The following WDR43 variants were observed in gnomAD, a reference collection of about 807,000 sequenced individuals.
WDR43 encodes the protein WD repeat domain 43.
Under a neutral mutation model 91.4 loss-of-function variants are expected in WDR43, and 13 were observed. The ratio of observed to expected loss-of-function variants is 0.14; its 90% CI spans 0.09 to 0.23. The LOEUF is 0.23. Among genes scored for constraint, WDR43 ranks in the 10% least tolerant of loss-of-function variants. The pLI, the probability that WDR43 is intolerant of heterozygous loss-of-function variation, is 1.00. For missense variants in WDR43, 780 were observed against 809.4 expected, an observed-to-expected ratio of 0.96 and a Z score of 0.44; for synonymous variants, 331 against 287.9, an observed-to-expected ratio of 1.15 and a Z score of -1.51.
At chr2:28,897,474 C>T (rs1052468177) in intron 1 of WDR43, among the ~76,000 whole-genome samples, 1 of 152,144 alleles carries the variant, frequency 6.6e-6, no homozygotes. Flanking sequence ...GAGGTATCAT[C>T]ACCCACCTTT....
chr2:28,932,588 C>T (rs1003012296), intron 11 of WDR43, among the ~76,000 whole-genome samples: 2 of 152,114 alleles, frequency 1.3e-5, no homozygotes, highest in African/African-American at 4.8e-5. Context: ...TTTCTAAAAA[C>T]GTTTTCCCCC....
At chr2:28,918,321 G>GGTGT (rs10578792) in intron 6 of WDR43, among the ~76,000 whole-genome samples, 6,990 of 150,662 alleles carry the variant, frequency 0.046, 534 homozygotes, top group African/African-American at 0.16. Flanking sequence ...TCCTAACTAA[G>GGTGT]GTGTGTGTGT....
chr2:28,933,867 G>T (rs964569622), intron 11 of WDR43, among the ~76,000 whole-genome samples: 1 of 152,208 alleles, frequency 6.6e-6, no homozygotes, highest in Non-Finnish European at 1.5e-5. Context: ...TAGAGCAGCT[G>T]AAATTCAAGT....
At chr2:28,927,734 T>G (rs534531984) in intron 10 of WDR43, 34 bp downstream of exon 10, 4 of 1,608,114 alleles carry the variant, frequency 2.5e-6, no homozygotes, top group Middle Eastern at 1.6e-4. Flanking sequence ...TATTTGAGTT[T>G]GTGATTTAAA....
intron 11 of WDR43, among the ~76,000 whole-genome samples, chr2:28,932,620 G>A (rs1460260945): frequency 6.6e-6 from 1 of 152,110 alleles, no homozygotes. Context: ...TGCCTTATGA[G>A]GATACATAGT....
At chr2:28,945,783 T>G (rs1321310858) in intron 16 of WDR43, among the ~76,000 whole-genome samples, 3 of 152,232 alleles carry the variant, frequency 2.0e-5, no homozygotes, top group African/African-American at 7.2e-5. Flanking sequence ...TTTGCATGTT[T>G]TCCCCCAACA....
intron 6 of WDR43, 48 bp from the exon 7 acceptor site, chr2:28,922,871 C>G (rs1238930284): frequency 2.1e-6 from 3 of 1,423,796 alleles, no homozygotes; most frequent in African/African-American, 1.5e-5. Context: ...AGATTGGGGA[C>G]TGGAGTATGT....
intron 11 of WDR43, among the ~76,000 whole-genome samples, chr2:28,931,915 G>C (rs1483708157): frequency 8.0e-6 from 1 of 125,502 alleles, no homozygotes; most frequent in African/African-American, 3.1e-5. Flanking sequence ...GTCTCACTCT[G>C]TCACCCAGGC....
chr2:28,924,181 ACAGAT>A (rs1399386696), intron 7 of WDR43, among the ~76,000 whole-genome samples: 1 of 152,134 alleles, frequency 6.6e-6, no homozygotes, highest in Non-Finnish European at 1.5e-5. Flanking sequence ...AAAGGAGTTG[ACAGAT>A]CAGAGTGTCA....
intron 6 of WDR43, among the ~76,000 whole-genome samples, chr2:28,919,655 CAAAA>C (rs879362160): frequency 7.6e-6 from 1 of 132,250 alleles, no homozygotes; most frequent in Non-Finnish European, 1.6e-5. Flanking sequence ...GACTCCGTCT[CAAAA>C]AAAAAAACAA....
intron 5 of WDR43, among the ~76,000 whole-genome samples, chr2:28,917,231 C>A (rs1391647003): frequency 6.6e-6 from 1 of 152,008 alleles, no homozygotes; most frequent in East Asian, 1.9e-4. Context: ...TAGTCTACAC[C>A]CCTGAAGGAG....
intron 3 of WDR43, among the ~76,000 whole-genome samples, chr2:28,907,903 C>CAA (rs71403627): frequency 0.41 from 60,092 of 146,224 alleles, 12,819 homozygotes; most frequent in Middle Eastern, 0.53. Flanking sequence ...GACTCCGTCT[C>CAA]AAAAAAAAAA....
Position 28,941,304 on chromosome 2 carries a change from T to C in WDR43, c.1621-157T>C, listed in dbSNP as rs543959540. Among the ~76,000 whole-genome samples, 11 of 152,310 alleles carry C rather than the reference T, an allele frequency of 7.2e-5. No homozygotes were observed. The South Asian group carries it at 1.9e-3, about 26-fold the overall frequency. On this transcript the variant is annotated intron_variant, in intron 14 of 17. Transcript: ENST00000407426. Reference sequence around the variant, plus strand: ...GGGTCTTCTGTGAAAATTCGTGATGTTGTTAGGCTATGTTGCAGGTAGCCA... The same window carrying C: ...GGGTCTTCTGTGAAAATTCGTGATGCTGTTAGGCTATGTTGCAGGTAGCCA...
At chr2:28,904,481 T>C (rs1670640187) in intron 2 of WDR43, among the ~76,000 whole-genome samples, 1 of 152,242 alleles carries the variant, frequency 6.6e-6, no homozygotes, top group Non-Finnish European at 1.5e-5. Flanking sequence ...CAAAAGGGTA[T>C]GCTAGTTTAC....
At chr2:28,895,032 G>A (rs1038701199) in intron 1 of WDR43, 109 bp downstream of exon 1, 2 of 1,173,748 alleles carry the variant, frequency 1.7e-6, no homozygotes, top group Non-Finnish European at 2.2e-6. Context: ...AGCGGCCCGG[G>A]CCAGAAGGCT....
At chr2:28,911,463 T>A (rs1285202263) in intron 3 of WDR43, among the ~76,000 whole-genome samples, 1 of 151,974 alleles carries the variant, frequency 6.6e-6, no homozygotes, top group Non-Finnish European at 1.5e-5. Context: ...CTGGCTAATT[T>A]TTTTGAATTT....
At chr2:28,936,401 A>C (rs1255331151) in intron 12 of WDR43, among the ~76,000 whole-genome samples, 1 of 152,136 alleles carries the variant, frequency 6.6e-6, no homozygotes, top group African/African-American at 2.4e-5. Flanking sequence ...GGTAAGGGAA[A>C]ACTCTGTACT....
chr2:28,914,270 T>G (rs894492678), intron 5 of WDR43, 62 bp downstream of exon 5: 1 of 1,504,512 alleles, frequency 6.6e-7, no homozygotes. Flanking sequence ...CTTATGTAGT[T>G]AATGTAAATT....
At chr2:28,935,486 A>T in intron 11 of WDR43, 35 bp from the exon 12 acceptor site, 2 of 1,445,578 alleles carry the variant, frequency 1.4e-6, no homozygotes, top group Non-Finnish European at 1.9e-6. Flanking sequence ...GTTTGTCAGT[A>T]TGCTCATCTT....
Sources: gnomAD v4.1 joint callset for allele counts (sites outside exome capture counted in the v4.1 genomes callset) on GRCh38, gnomAD v4.1.1 for gene constraint, MANE v1.5 for transcripts, NCBI Gene and HGNC (gene_info 2026-07-23, HGNC 2026-07-21) for gene names.